The following ISLR2 variants were observed in gnomAD, a reference collection of about 807,000 sequenced individuals.
The protein encoded by ISLR2 is immunoglobulin superfamily containing leucine-rich repeat protein 2.
Under a neutral mutation model 25.5 loss-of-function variants are expected in ISLR2, and 16 were observed. The observed-to-expected ratio is 0.63, with a 90% CI of 0.43 to 0.95. ISLR2 has a LOEUF of 0.95. Among genes scored for constraint, ISLR2 ranks in the 40% least tolerant of loss-of-function variants. The pLI, the probability that ISLR2 is intolerant of heterozygous loss-of-function variation, is 0.00. For missense variants in ISLR2, 883 were observed against 1,030.7 expected, an observed-to-expected ratio of 0.86 and a Z score of 1.96; for synonymous variants, 508 against 486.6, an observed-to-expected ratio of 1.04 and a Z score of -0.58.
Position 74,133,471 on chromosome 15 carries a change from C to A in ISLR2, c.717C>A (p.Ala239=). ...CACCGCCCAGCGTGCATCTGAGTGCCGAGCCACCGCTTGAAGCACCCGGCA... is the reference window on the plus strand; with the variant it reads ...CACCGCCCAGCGTGCATCTGAGTGCAGAGCCACCGCTTGAAGCACCCGGCA... ...PCAPPSVHLS[A]EPPLEAPGTP... is the part of the protein sequence containing the mutation. The change falls in exon 3 of 3, where the codon GCC becomes GCA. Residue 239 remains alanine (A), a synonymous_variant. Coordinates refer to ENST00000453268, the MANE Select transcript of ISLR2 (RefSeq NM_020851.3). 3 of 1,612,780 alleles carry A rather than the reference C, an allele frequency of 1.9e-6. No homozygotes were observed. The highest frequency in any genetic ancestry group is 1.7e-6 in the Non-Finnish European group (2 of 1,179,796).
At chr15:74,129,289 C>T (rs2141946002), upstream of ISLR2, 1 of 324,792 alleles carries the variant, frequency 3.1e-6, no homozygotes, top group Non-Finnish European at 6.0e-6. This position sits in a 1 kb window ranked among gnomAD's most constrained non-coding sequence, Gnocchi z 4.5. Context: ...CTCGGAACCC[C>T]GGGCCGGGTG....
chr15:74,136,308 G>C lies in ISLR2; in HGVS notation c.*1316G>C, dbSNP rs959330361. The stretch of plus-strand genomic sequence containing the variant: ...CGGAGGAAGCTGACTGTGGCCTCCC[G>C]GGCCGCGGCTCTCTGGAGGGCTCGC... On this transcript the variant is annotated 3_prime_UTR_variant, in exon 3 of 3. Transcript: ENST00000453268. 1.1e-4 allele frequency: 18 copies of C among 165,134 alleles called. No homozygotes were observed. The highest frequency in any genetic ancestry group is 4.3e-4 in the African/African-American group (18 of 41,462). 10.2% of individuals were successfully genotyped at this position (165,134 alleles called of 1,614,324 possible).
chr15:74,122,370 G>A (rs1373184430), intron 2 of ISLR2, among the ~76,000 whole-genome samples: 1 of 152,246 alleles, frequency 6.6e-6, no homozygotes, highest in Non-Finnish European at 1.5e-5. Context: ...TACAGGCAAG[G>A]AGAGGGGAAA....
chr15:74,114,612 CA>C (rs879774202), intron 2 of ISLR2, among the ~76,000 whole-genome samples: 3,711 of 127,500 alleles, frequency 0.029, 116 homozygotes, highest in African/African-American at 0.089. Context: ...GATCCTGTCT[CA>C]AAAAAAAAAA....
At chr15:74,131,027 G>A (rs1171703809) in intron 1 of ISLR2, 180 bp from the exon 2 acceptor site, 1 of 152,424 alleles carries the variant, frequency 6.6e-6, no homozygotes, top group Admixed American at 6.6e-5. Context: ...AGCAGGAGGC[G>A]GGAGAGGCTA....
intron 1 of ISLR2, chr15:74,130,948 G>A (rs2072401196): frequency 6.6e-6 from 1 of 152,108 alleles, no homozygotes; most frequent in African/African-American, 2.4e-5. Flanking sequence ...AGTGGGCGTG[G>A]GATGCCCCTT....
At chr15:74,106,772 C>A (rs1403814393) in intron 2 of ISLR2, among the ~76,000 whole-genome samples, 1 of 152,092 alleles carries the variant, frequency 6.6e-6, no homozygotes, top group Non-Finnish European at 1.5e-5. Context: ...GCCCGGACAC[C>A]CCTCTGCATC....
intron 2 of ISLR2, among the ~76,000 whole-genome samples, chr15:74,106,748 C>T (rs1338885891): frequency 6.6e-6 from 1 of 152,042 alleles, no homozygotes; most frequent in Non-Finnish European, 1.5e-5. Context: ...CACGTTTGGG[C>T]CTCCCACCTG....
rs745719903 is a variant in ISLR2, at chr15:74,133,578, A to G, written c.824A>G (p.Gln275Arg). ...ACGCCTCGCCTGCAATGGCAACTTC[A>G]GATCCCCGGTGGCACCGTAGTCTTA... Reference protein sequence around the residue: ...HPTPRLQWQLQIPGGTVVLEP... With the variant: ...HPTPRLQWQLRIPGGTVVLEP... Residue 275 changes from glutamine to arginine, a missense_variant, in exon 3 of 3, where the codon CAG (glutamine) becomes CGG (arginine). By Grantham distance (43) the Gln-to-Arg change is conservative (BLOSUM62 1). Coordinates refer to ENST00000453268, the MANE Select transcript of ISLR2 (RefSeq NM_020851.3). 9 of 1,614,170 alleles carry G rather than the reference A, an allele frequency of 5.6e-6. No homozygotes were observed. Among genetic ancestry groups the G allele is most frequent in the Middle Eastern group, 1.6e-4 (1 of 6,062 alleles).
intron 2 of ISLR2, among the ~76,000 whole-genome samples, chr15:74,108,434 G>T (rs1425885777): frequency 6.6e-6 from 1 of 152,114 alleles, no homozygotes; most frequent in African/African-American, 2.4e-5. Flanking sequence ...GGATTCCAGG[G>T]ATGAGCCCTC....
chr15:74,126,983 G>A (rs2072307345), upstream of ISLR2: 2 of 149,270 alleles, frequency 1.3e-5, no homozygotes, highest in South Asian at 2.1e-4. Flanking sequence ...AAGATGGGAA[G>A]TAGTGAGTGT....
intron 2 of ISLR2, among the ~76,000 whole-genome samples, chr15:74,111,945 C>G (rs987119133): frequency 6.6e-6 from 1 of 151,988 alleles, no homozygotes. Flanking sequence ...TGGCATAGAC[C>G]TAGACATGTG....
intron 2 of ISLR2, among the ~76,000 whole-genome samples, chr15:74,107,807 T>C (rs1363836381): frequency 6.6e-6 from 1 of 152,146 alleles, no homozygotes; most frequent in South Asian, 2.1e-4. Flanking sequence ...CCAGGGCTGC[T>C]CTGGAGGCAG....
In ISLR2 at chr15:74,102,018, C is replaced by T. The variant is rs1474523678; in HGVS notation, n.159+1549C>T. 3.4e-5 allele frequency among the ~76,000 whole-genome samples: 5 copies of T among 148,722 alleles called. No homozygotes were observed. In the South Asian group the frequency reaches 1.1e-3, roughly 32 times the overall value. ...TCACCTGAGGTCAGGAGTTGGAGAC[C>T]AGTGTGGCCAACATGGCAAAACCCG... On this transcript the variant is annotated intron_variant and non_coding_transcript_variant, in intron 1 of 3. Transcript: ENST00000561975.
At chr15:74,123,237 G>A (rs778393460), upstream of ISLR2, among the ~76,000 whole-genome samples, 6 of 152,058 alleles carry the variant, frequency 3.9e-5, no homozygotes, top group East Asian at 3.9e-4. Context: ...GAGATGAGGC[G>A]GGAGGCGGGT....
At chr15:74,122,656 T>C (rs879846700) in intron 2 of ISLR2, among the ~76,000 whole-genome samples, 1 of 152,254 alleles carries the variant, frequency 6.6e-6, no homozygotes, top group African/African-American at 2.4e-5. Flanking sequence ...TTGTCTCAGC[T>C]CTGCTTCTGG....
chr15:74,125,462 A>G (rs1400529345), upstream of ISLR2, among the ~76,000 whole-genome samples: 1 of 151,670 alleles, frequency 6.6e-6, no homozygotes, highest in Non-Finnish European at 1.5e-5. Context: ...CTGGTCTTAA[A>G]CTCCTGGGCT....
In ISLR2 at chr15:74,133,515, T is replaced by C; in HGVS notation, c.761T>C (p.Leu254Pro). 1 of 1,614,092 alleles carries C rather than the reference T, an allele frequency of 6.2e-7. No homozygotes were observed. Among genetic ancestry groups the C allele is most frequent in the South Asian group, 1.1e-5 (1 of 91,092 alleles). ...EAPGTPLRAG[L>P]AFVLHCIADG... Reference sequence around the variant, plus strand: ...CCCGGCACCCCACTGCGCGCAGGACTGGCGTTCGTGTTACACTGCATCGCC... The same window carrying C: ...CCCGGCACCCCACTGCGCGCAGGACCGGCGTTCGTGTTACACTGCATCGCC... Residue 254 changes from leucine (L) to proline (P), a missense_variant, in exon 3 of 3, where the codon CTG becomes CCG. Coordinates refer to ENST00000453268, the MANE Select transcript of ISLR2 (RefSeq NM_020851.3).
At chr15:74,110,817 G>C (rs1220832878) in intron 2 of ISLR2, among the ~76,000 whole-genome samples, 1 of 152,164 alleles carries the variant, frequency 6.6e-6, no homozygotes, top group East Asian at 1.9e-4. Flanking sequence ...AAATTAGCTG[G>C]GCGTGGTGGC....
Sources: allele counts gnomAD v4.1 joint callset (sites outside exome capture counted in the v4.1 genomes callset), GRCh38; gene constraint gnomAD v4.1.1; non-coding constraint Gnocchi (gnomAD v3.1); transcripts MANE v1.5; gene names NCBI Gene and HGNC (gene_info 2026-07-23, HGNC 2026-07-21).